The following PRKAR1A variants were observed in gnomAD, a reference collection of about 807,000 sequenced individuals.
PRKAR1A encodes protein kinase cAMP-dependent type I regulatory subunit alpha, also known as cAMP-dependent protein kinase type I-alpha regulatory subunit.
Under a neutral mutation model 52.0 loss-of-function variants are expected in PRKAR1A, and 3 were observed. The ratio of observed to expected loss-of-function variants is 0.06; its 90% confidence interval spans 0.03 to 0.15. The LOEUF is 0.15. Among genes scored for constraint, PRKAR1A ranks in the 10% least tolerant of loss-of-function variants. The probability of loss-of-function intolerance (pLI) is 1.00; values close to 1 mark genes in which losing one functional copy is unlikely to be tolerated. For synonymous variants in PRKAR1A, 188 were observed against 168.4 expected (o/e 1.12, Z -0.90); for missense variants, 240 against 477.4 (o/e 0.50, Z 4.63).
At position 68,532,412 on chromosome 17, in the gene PRKAR1A, C is replaced by T. The variant is rs572501057; in HGVS notation, c.*1963C>T. The T allele has an allele frequency of 1.6e-4, 166 of 1,059,576 alleles. 1 individual carries two copies. The South Asian group carries it at 6.5e-3, about 42-fold the overall frequency. 65.6% of individuals were successfully genotyped at this position (1,059,576 alleles called of 1,614,324 possible). ...TAAATCATTTGGTTAAATCATTTGG[C>T]TTGCTGTTTACTCCCTTCTGTAGTT... is the stretch of plus-strand genomic sequence containing the variant. On this transcript the variant is annotated 3_prime_UTR_variant, in exon 11 of 11. Coordinates refer to ENST00000589228, the MANE Select transcript of PRKAR1A (RefSeq NM_002734.5).
At chr17:68,511,546 T>G (rs1325104008), upstream of PRKAR1A, among the ~76,000 whole-genome samples, 1 of 152,160 alleles carries the variant, frequency 6.6e-6, no homozygotes, top group Non-Finnish European at 1.5e-5. Context: ...TCAGGAGTGA[T>G]GGGGGGGCAC....
At chr17:68,485,903 T>C in the PRKAR1A span, among the ~76,000 whole-genome samples, 2 of 152,114 alleles carry the variant, frequency 1.3e-5, no homozygotes, top group African/African-American at 4.8e-5. Flanking sequence ...CATGCCTGGC[T>C]AATTTTTGTA....
chr17:68,546,285 A>G (rs1260069234), intron 11 of PRKAR1A, among the ~76,000 whole-genome samples: 1 of 150,606 alleles, frequency 6.6e-6, no homozygotes, highest in Non-Finnish European at 1.5e-5. Context: ...GTTCTCTTTT[A>G]TTTCCACATC....
downstream of PRKAR1A, chr17:68,536,314 T>C: frequency 2.2e-6 from 1 of 454,132 alleles, no homozygotes; most frequent in Admixed American, 2.3e-5. Context: ...TTTTTACTTT[T>C]GTTGACTGAC....
chr17:68,550,950 A>G, intron 11 of PRKAR1A: 2 of 695,316 alleles, frequency 2.9e-6, no homozygotes, highest in Non-Finnish European at 3.9e-6. Flanking sequence ...TGGGGCTCTC[A>G]ATGGGCCTCC....
chr17:68,543,707 T>C, intron 11 of PRKAR1A: 1 of 1,614,024 alleles, frequency 6.2e-7, no homozygotes, highest in South Asian at 1.1e-5. Flanking sequence ...TGGTGTCTCC[T>C]CATCTCGCTG....
chr17:68,525,673 T>G lies in PRKAR1A; in HGVS notation c.550-81T>G, dbSNP rs560586364. 23 of 1,482,776 alleles carry G rather than the reference T, an allele frequency of 1.6e-5. No homozygotes were observed. In the African/African-American group the frequency reaches 2.5e-4, roughly 16 times the overall value. The allele number at this position is 1,482,776 out of a possible 1,614,324, so 91.9% of individuals were successfully genotyped here. A position where few individuals can be genotyped will look rare whatever the true frequency, so the allele number is the denominator to read the frequency against. ...TAAAACAAAGTTCAGGATTGTGACC[T>G]TTTAAAAAGGTTTGAGGGTTTTTAA... On this transcript the variant is annotated intron_variant, in intron 6 of 10. Coordinates refer to ENST00000589228, the MANE Select transcript of PRKAR1A (RefSeq NM_002734.5).
chr17:68,513,258 C>T (rs986778673), intron 1 of PRKAR1A: 20 of 152,322 alleles, frequency 1.3e-4, no homozygotes, highest in South Asian at 4.1e-4. Flanking sequence ...TGCCCTTCTT[C>T]TAGAAAATAC....
chr17:68,540,357 A>AG (rs2086230598), intron 11 of PRKAR1A, among the ~76,000 whole-genome samples: 1 of 152,196 alleles, frequency 6.6e-6, no homozygotes, highest in South Asian at 2.1e-4. Flanking sequence ...ACTTCCTGAA[A>AG]GGCACGATGA....
chr17:68,426,618 C>T, the PRKAR1A span, among the ~76,000 whole-genome samples: 40 of 152,154 alleles, frequency 2.6e-4, no homozygotes, highest in South Asian at 6.2e-4. Flanking sequence ...CTGCAATCTC[C>T]GCCTCTCTGG....
intron 2 of PRKAR1A, among the ~76,000 whole-genome samples, chr17:68,521,345 T>G (rs1258378835): frequency 6.6e-6 from 1 of 152,244 alleles, no homozygotes; most frequent in Non-Finnish European, 1.5e-5. Context: ...TCCTCCTGCC[T>G]CAGCTTCCCA....
the PRKAR1A span, among the ~76,000 whole-genome samples, chr17:68,468,530 C>T: frequency 6.6e-6 from 1 of 152,118 alleles, no homozygotes; most frequent in African/African-American, 2.4e-5. Context: ...TGAGTGAGAA[C>T]CTCTGTTATA....
At chr17:68,488,723 C>G in the PRKAR1A span, among the ~76,000 whole-genome samples, 1 of 144,546 alleles carries the variant, frequency 6.9e-6, no homozygotes, top group African/African-American at 2.6e-5. Context: ...GAGTGAGACT[C>G]CATCTCAAAA....
At chr17:68,539,471 C>T in intron 11 of PRKAR1A, 1 of 1,360,534 alleles carries the variant, frequency 7.4e-7, no homozygotes, top group Non-Finnish European at 1.1e-6. Flanking sequence ...TCTCTCCTCT[C>T]AGCATTTTGT....
the PRKAR1A span, among the ~76,000 whole-genome samples, chr17:68,476,854 G>T: frequency 6.6e-6 from 1 of 151,934 alleles, no homozygotes; most frequent in African/African-American, 2.4e-5. Context: ...GTAGGGATGG[G>T]GTTTCACCAT....
chr17:68,444,147 G>C, the PRKAR1A span, among the ~76,000 whole-genome samples: 884 of 152,258 alleles, frequency 5.8e-3, 28 homozygotes, highest in East Asian at 0.095. Context: ...ACTCTGTACT[G>C]AACGAACCAC....
chr17:68,438,069 T>C, the PRKAR1A span, among the ~76,000 whole-genome samples: 1 of 151,076 alleles, frequency 6.6e-6, no homozygotes, highest in Non-Finnish European at 1.5e-5. Flanking sequence ...CCTCAACTAA[T>C]CTGCTGAGGA....
the PRKAR1A span, chr17:68,457,511 G>C: frequency 9.3e-6 from 10 of 1,069,772 alleles, no homozygotes; most frequent in Non-Finnish European, 1.2e-5. Flanking sequence ...CGGGTCGCCG[G>C]TCCTGCCCCG....
At position 68,539,871 on chromosome 17, in the gene PRKAR1A, G is replaced by C. The variant is rs370751691; in HGVS notation, c.973+9870G>C. 1.2e-5 allele frequency: 20 copies of C among 1,613,010 alleles called. No individual in the cohort carries two copies. The African/African-American group carries it at 2.7e-4, about 22-fold the overall frequency. ...TGGGAGAGGGGATTGTTGAACACAC[G>C]TGGGGAAGCTCACCCTCTGGCGTTG... On this transcript the variant is annotated intron_variant, in intron 11 of 11. Transcript: ENST00000585981.
Sources: allele counts gnomAD v4.1 joint callset (sites outside exome capture counted in the v4.1 genomes callset), GRCh38; gene constraint gnomAD v4.1.1; transcripts MANE v1.5; gene names NCBI Gene and HGNC (gene_info 2026-07-23, HGNC 2026-07-21).